Variants in CSMD1 observed in about 807,000 individuals in gnomAD.
The protein encoded by CSMD1 is CUB and Sushi multiple domains 1, also known as CUB and sushi domain-containing protein 1.
Under a neutral mutation model 417.5 loss-of-function variants are expected in CSMD1, and 213 were observed. The observed-to-expected ratio is 0.51, with a 90% CI of 0.46 to 0.57. The LOEUF (loss-of-function observed/expected upper bound fraction) is 0.57. Among genes scored for constraint, CSMD1 ranks in the 20% least tolerant of loss-of-function variants. CSMD1 has a pLI of 0.00. For synonymous variants in CSMD1, 2,862 were observed against 1,736.8 expected (o/e 1.65, Z -16.11); for missense variants, 6,923 against 4,529.7 (o/e 1.53, Z -15.17).
chr8:4,885,333 C>A (rs1803668828), intron 1 of CSMD1, among the ~76,000 whole-genome samples: 1 of 151,906 alleles, frequency 6.6e-6, no homozygotes, highest in Non-Finnish European at 1.5e-5. Flanking sequence ...CTTTCATTTT[C>A]TTGCCTAATA....
chr8:4,002,750 G>A (rs1053033314), intron 4 of CSMD1, among the ~76,000 whole-genome samples: 1 of 152,112 alleles, frequency 6.6e-6, no homozygotes, highest in Non-Finnish European at 1.5e-5. Flanking sequence ...TGAGTGAAGA[G>A]ACATTATTTA....
At chr8:2,958,862 C>G (rs975955526) in intron 62 of CSMD1, among the ~76,000 whole-genome samples, 5 of 152,214 alleles carry the variant, frequency 3.3e-5, no homozygotes, top group African/African-American at 1.2e-4. Flanking sequence ...AAGCCCATAC[C>G]TCCCATGTTG....
chr8:3,293,980 A>G (rs917913353), intron 25 of CSMD1, among the ~76,000 whole-genome samples: 4 of 151,916 alleles, frequency 2.6e-5, no homozygotes, highest in Non-Finnish European at 5.9e-5. Flanking sequence ...GTCTTTGATG[A>G]TGATGACGTA....
At chr8:4,105,825 C>G (rs991176245) in intron 3 of CSMD1, among the ~76,000 whole-genome samples, 9 of 152,324 alleles carry the variant, frequency 5.9e-5, no homozygotes, top group African/African-American at 2.2e-4. Context: ...CTTGTCACCC[C>G]TTTTGCTGAG....
chr8:4,332,465 T>G (rs1278495213), intron 3 of CSMD1, among the ~76,000 whole-genome samples: 2 of 151,946 alleles, frequency 1.3e-5, no homozygotes, highest in East Asian at 3.9e-4. Context: ...GTGTACTGTC[T>G]CTCCAACTGA....
chr8:3,176,945 T>G (rs574969257), intron 37 of CSMD1, among the ~76,000 whole-genome samples: 1 of 151,930 alleles, frequency 6.6e-6, no homozygotes, highest in Non-Finnish European at 1.5e-5. Context: ...GCCTGGCTAA[T>G]TTTTGCAGTT....
intron 52 of CSMD1, among the ~76,000 whole-genome samples, 180 bp downstream of exon 52, chr8:3,018,297 C>T (rs1809034190): frequency 6.6e-6 from 1 of 152,118 alleles, no homozygotes; most frequent in South Asian, 2.1e-4. Flanking sequence ...TCATTCATTG[C>T]TCGGATTAAA....
intron 2 of CSMD1, among the ~76,000 whole-genome samples, chr8:4,595,428 TAAC>T (rs1800217388): frequency 1.7e-5 from 2 of 118,478 alleles, no homozygotes; most frequent in Non-Finnish European, 2.0e-5. Context: ...GTCAATATGC[TAAC>T]AACAATGGAA....
intron 5 of CSMD1, among the ~76,000 whole-genome samples, chr8:3,983,912 G>T (rs911067558): frequency 1.5e-5 from 1 of 66,258 alleles, no homozygotes; most frequent in Non-Finnish European, 3.4e-5. Flanking sequence ...AGAGCACACC[G>T]CACATCTGAC....
At chr8:3,591,837 A>G (rs928208438) in intron 8 of CSMD1, among the ~76,000 whole-genome samples, 2 of 152,178 alleles carry the variant, frequency 1.3e-5, no homozygotes, top group African/African-American at 4.8e-5. Flanking sequence ...GATGATAGGT[A>G]CATAGATTAG....
At chr8:3,582,673 T>G (rs1282209984) in intron 9 of CSMD1, among the ~76,000 whole-genome samples, 1 of 152,210 alleles carries the variant, frequency 6.6e-6, no homozygotes, top group Non-Finnish European at 1.5e-5. Flanking sequence ...AAATGCACAC[T>G]GGATTTCCAA....
At chr8:4,257,287 T>C (rs879590236) in intron 3 of CSMD1, among the ~76,000 whole-genome samples, 17 of 152,206 alleles carry the variant, frequency 1.1e-4, no homozygotes, top group Admixed American at 3.3e-4. Flanking sequence ...CTTTCTGTTA[T>C]GGCTTATTAT....
chr8:4,062,369 T>C (rs1467395869), intron 3 of CSMD1, among the ~76,000 whole-genome samples: 1 of 152,052 alleles, frequency 6.6e-6, no homozygotes, highest in Admixed American at 6.6e-5. Flanking sequence ...TGACAATGGC[T>C]TTTTCTCAAG....
At chr8:3,764,757 T>C (rs1798182341) in intron 5 of CSMD1, among the ~76,000 whole-genome samples, 2 of 129,734 alleles carry the variant, frequency 1.5e-5, no homozygotes, top group South Asian at 5.3e-4. Flanking sequence ...TTTTTTTTTT[T>C]TTATTTTGAG....
In CSMD1 at chr8:4,002,690, G is replaced by C. The variant is rs555406130; in HGVS notation, c.611-4580C>G. ...AGAAATGGGAACCATTATCCCTGCA[G>C]TGTGGAGTGCTACAAGGACCCAATA... On this transcript the variant is annotated intron_variant, in intron 4 of 69. Coordinates refer to ENST00000635120, the MANE Select transcript of CSMD1 (RefSeq NM_033225.6). 1.1e-3 allele frequency among the ~76,000 whole-genome samples: 160 copies of C among 152,294 alleles called. 2 individuals carry two copies. Among genetic ancestry groups the C allele is most frequent in the East Asian group, 1.7e-3 (9 of 5,182 alleles).
intron 5 of CSMD1, among the ~76,000 whole-genome samples, chr8:3,826,503 T>C (rs1802062651): frequency 6.6e-6 from 1 of 152,164 alleles, no homozygotes; most frequent in South Asian, 2.1e-4. Context: ...ATGAAAGCTC[T>C]TCTAGAACCA....
At chr8:2,942,182 G>C (rs1232920668) in intron 69 of CSMD1, among the ~76,000 whole-genome samples, 2 of 152,052 alleles carry the variant, frequency 1.3e-5, no homozygotes, top group African/African-American at 4.8e-5. Flanking sequence ...TGGGGGGCTG[G>C]AGGGAGGGAG....
intron 61 of CSMD1, among the ~76,000 whole-genome samples, chr8:2,961,752 C>T (rs185626106): frequency 1.5e-3 from 226 of 152,308 alleles, no homozygotes; most frequent in African/African-American, 5.0e-3. Flanking sequence ...CTCTTACTTG[C>T]TGCTCTACAG....
Position 3,109,564 on chromosome 8 carries a change from G to A in CSMD1, c.6608+594C>T, listed in dbSNP as rs148205094. ...TCCCACAAAATGAGCCCGTCATTCT[G>A]CAGCCCATATCTGGCCTTGGAGCTC... On this transcript the variant is annotated intron_variant, in intron 43 of 69. Coordinates refer to ENST00000635120, the MANE Select transcript of CSMD1 (RefSeq NM_033225.6). Among the ~76,000 whole-genome samples, 135 of 152,100 alleles carry A rather than the reference G, an allele frequency of 8.9e-4. 2 individuals carry two copies. The highest frequency in any genetic ancestry group is 3.4e-3 in the Middle Eastern group (1 of 292).
Sources: allele counts gnomAD v4.1 joint callset (sites outside exome capture counted in the v4.1 genomes callset), GRCh38; gene constraint gnomAD v4.1.1; transcripts MANE v1.5; gene names NCBI Gene and HGNC (gene_info 2026-07-23, HGNC 2026-07-21).